The following CDH4 variants were observed in gnomAD, a reference collection of about 807,000 sequenced individuals.
CDH4 encodes cadherin 4, also known as cadherin-4.
Under a neutral mutation model 86.0 loss-of-function variants are expected in CDH4, and 33 were observed. That is an observed-to-expected ratio of 0.38 (90% CI 0.29 to 0.51). The LOEUF is 0.51. Among genes scored for constraint, CDH4 ranks in the 20% least tolerant of loss-of-function variants. The probability of loss-of-function intolerance (pLI) is 0.86; values close to 1 mark genes in which losing one functional copy is unlikely to be tolerated. For synonymous variants in CDH4, 555 were observed against 549.4 expected (o/e 1.01, Z -0.14); for missense variants, 1,114 against 1,307.4 (o/e 0.85, Z 2.28).
chr20:61,694,172 A>G (rs1467210311), intron 2 of CDH4, among the ~76,000 whole-genome samples: 1 of 152,056 alleles, frequency 6.6e-6, no homozygotes, highest in Non-Finnish European at 1.5e-5. Flanking sequence ...GTGAGCCACC[A>G]TGCCCAGACC....
rs369461226 is a variant in CDH4, at chr20:61,726,764, G to A, written c.170-16799G>A. On this transcript the variant is annotated intron_variant, in intron 2 of 15. Coordinates refer to ENST00000614565, the MANE Select transcript of CDH4 (RefSeq NM_001794.5). The stretch of plus-strand genomic sequence containing the variant: ...GCTGCCATCATCGTCACCATCGGAG[G>A]CATCACCATTGCTGCCATCATCGTC... Among the ~76,000 whole-genome samples, 17 of 142,612 alleles carry A rather than the reference G, an allele frequency of 1.2e-4. No individual in the cohort carries two copies. In the East Asian group the frequency reaches 2.8e-3, roughly 23 times the overall value. 93.6% of individuals were successfully genotyped at this position (142,612 alleles called of 152,430 possible). A position where few individuals can be genotyped will look rare whatever the true frequency, so the allele number is the denominator to read the frequency against.
intron 4 of CDH4, among the ~76,000 whole-genome samples, chr20:61,794,187 C>A (rs1468608603): frequency 6.6e-6 from 1 of 151,556 alleles, no homozygotes; most frequent in Non-Finnish European, 1.5e-5. Flanking sequence ...GAATACCTCT[C>A]ACCCTGGCAG....
intron 2 of CDH4, among the ~76,000 whole-genome samples, chr20:61,316,187 A>G (rs1168068180): frequency 6.6e-6 from 1 of 152,228 alleles, no homozygotes; most frequent in Non-Finnish European, 1.5e-5. Flanking sequence ...TGAAACAAGA[A>G]ATGGAAGTTT....
chr20:61,648,659 A>T (rs955020268), intron 2 of CDH4, among the ~76,000 whole-genome samples: 3 of 152,166 alleles, frequency 2.0e-5, no homozygotes, highest in Non-Finnish European at 4.4e-5. Context: ...TGGCGAGAAG[A>T]GCTGCTGGCT....
rs149485653 is a variant in CDH4 at position 61,545,961 on chromosome 20, C to CGT, written c.170-197582_170-197581dup. On this transcript the variant is annotated intron_variant, in intron 2 of 15. Transcript: ENST00000614565. ...GGGTATGTGGGATACGGTGTGTGTT[C>CGT]GTGTGTGTGTGTGTGTGTGTGGAGG... Among the ~76,000 whole-genome samples the CGT allele has an allele frequency of 5.5e-3, 266 of 48,324 alleles. 7 individuals are homozygous for CGT. The highest frequency in any genetic ancestry group is 0.055 in the East Asian group (68 of 1,238). 31.7% of individuals were successfully genotyped at this position (48,324 alleles called of 152,430 possible).
At chr20:61,655,966 G>A (rs754003929) in intron 2 of CDH4, among the ~76,000 whole-genome samples, 5 of 152,138 alleles carry the variant, frequency 3.3e-5, no homozygotes, top group Non-Finnish European at 7.4e-5. Context: ...TGAGAGGCTC[G>A]AGGGTGACAG....
intron 2 of CDH4, chr20:61,499,463 G>C: frequency 7.8e-7 from 1 of 1,289,128 alleles, no homozygotes; most frequent in South Asian, 1.2e-5. Context: ...TTCATTCTCA[G>C]CGCCTCCTTT....
chr20:61,566,939 G>A (rs564935450), intron 2 of CDH4, among the ~76,000 whole-genome samples: 5 of 152,280 alleles, frequency 3.3e-5, no homozygotes, highest in East Asian at 1.9e-4. Context: ...TTCAGCACAC[G>A]GCTGTTGCCA....
intron 2 of CDH4, among the ~76,000 whole-genome samples, chr20:61,537,162 C>A (rs992070968): frequency 2.0e-5 from 3 of 152,206 alleles, no homozygotes; most frequent in African/African-American, 7.2e-5. Flanking sequence ...TTTGACTGTT[C>A]ACTTTCTTTC....
intron 2 of CDH4, among the ~76,000 whole-genome samples, chr20:61,713,418 G>T (rs537835562): frequency 2.6e-5 from 4 of 152,314 alleles, no homozygotes; most frequent in East Asian, 3.9e-4. Context: ...TACTCTAAGC[G>T]TGGAACTTTG....
At chr20:61,720,684 T>C (rs1442111729) in intron 2 of CDH4, among the ~76,000 whole-genome samples, 1 of 152,004 alleles carries the variant, frequency 6.6e-6, no homozygotes, top group Non-Finnish European at 1.5e-5. Flanking sequence ...TGCATGCTTT[T>C]CTCTCCAGCG....
rs1338125176 is a variant in CDH4 at position 61,415,860 on chromosome 20, TG to T, written c.169+160925del. Among the ~76,000 whole-genome samples, 10 of 152,210 alleles carry T rather than the reference TG, an allele frequency of 6.6e-5. No individual in the cohort carries two copies. The East Asian group carries it at 7.7e-4, about 12-fold the overall frequency. On this transcript the variant is annotated intron_variant, in intron 2 of 15. Coordinates refer to ENST00000614565, the MANE Select transcript of CDH4 (RefSeq NM_001794.5). ...GATTACAGGTGTGCGCCACCATGCC[TG>T]GCTACTTGTCGTATTTTTAGTAGAG... is the stretch of plus-strand genomic sequence containing the variant.
intron 2 of CDH4, among the ~76,000 whole-genome samples, chr20:61,571,476 C>T (rs1005647772): frequency 2.6e-5 from 4 of 152,252 alleles, no homozygotes; most frequent in South Asian, 4.1e-4. Flanking sequence ...CCGTGGGCCA[C>T]GTGATCAGAG....
intron 2 of CDH4, among the ~76,000 whole-genome samples, chr20:61,547,434 T>C (rs2086096847): frequency 6.6e-6 from 1 of 151,984 alleles, no homozygotes; most frequent in East Asian, 1.9e-4. Context: ...CAGGATGGTC[T>C]CGATCTCCTG....
rs555468776 is a variant in CDH4 at position 61,560,614 on chromosome 20, G to A, written c.170-182949G>A. ...CAGCGCCTTCATGTGGAAGACAAAG[G>A]TCACAGCAGCCCCACCCGCGGGGCC... On this transcript the variant is annotated intron_variant, in intron 2 of 15. Transcript: ENST00000614565. Among the ~76,000 whole-genome samples, 7 of 152,270 alleles carry A rather than the reference G, an allele frequency of 4.6e-5. No homozygotes were observed. In the East Asian group the frequency reaches 1.4e-3, roughly 30 times the overall value.
chr20:61,257,301 C>T (rs1309255816), intron 2 of CDH4, among the ~76,000 whole-genome samples: 2 of 152,202 alleles, frequency 1.3e-5, no homozygotes, highest in African/African-American at 4.8e-5. Flanking sequence ...CGGTAATTAA[C>T]TTGTTTATGA....
intron 2 of CDH4, among the ~76,000 whole-genome samples, chr20:61,422,975 C>T (rs1272232552): frequency 1.3e-5 from 2 of 152,130 alleles, no homozygotes; most frequent in Non-Finnish European, 2.9e-5. Flanking sequence ...AAACCTTACA[C>T]GGTGTGGGAG....
chr20:61,296,577 T>C (rs2123195161), intron 2 of CDH4, among the ~76,000 whole-genome samples: 1 of 152,330 alleles, frequency 6.6e-6, no homozygotes, highest in South Asian at 2.1e-4. Flanking sequence ...ATCAGTGTTT[T>C]GCAGAGCAGC....
intron 3 of CDH4, among the ~76,000 whole-genome samples, chr20:61,755,678 A>G (rs112254308): frequency 0.062 from 9,346 of 151,330 alleles, 383 homozygotes; most frequent in South Asian, 0.12. Flanking sequence ...CACACACCAT[A>G]TACACCACAC....
Sources: allele counts gnomAD v4.1 joint callset (sites outside exome capture counted in the v4.1 genomes callset), GRCh38; gene constraint gnomAD v4.1.1; transcripts MANE v1.5; gene names NCBI Gene and HGNC (gene_info 2026-07-23, HGNC 2026-07-21).